Variants in KDM6A observed in about 807,000 individuals in gnomAD.
KDM6A encodes the protein lysine-specific demethylase 6A.
KDM6A carries 11 observed loss-of-function variants against 117.6 expected under a neutral mutation model. That is an observed-to-expected ratio of 0.09 (90% CI 0.06 to 0.15). The LOEUF is 0.15. Ranked by LOEUF, KDM6A falls within the 10% of genes least tolerant of loss-of-function variation. KDM6A has a pLI of 1.00. For synonymous variants in KDM6A, 384 were observed against 396.1 expected (o/e 0.97, Z 0.36); for missense variants, 799 against 1,077.3 (o/e 0.74, Z 3.62).
At chrX:45,063,169 C>G (rs1282083130) in intron 16 of KDM6A, among the ~76,000 whole-genome samples, 1 of 109,936 alleles carries the variant, frequency 9.1e-6, no homozygotes, top group East Asian at 2.9e-4. Context: ...TTTGTCATTA[C>G]TAATGGGATT....
Position 45,091,121 on chromosome X carries a change from A to G in KDM6A, c.4034+257A>G, listed in dbSNP as rs113066387. 0.046 allele frequency among the ~76,000 whole-genome samples: 5,161 copies of G among 111,005 alleles called. 316 individuals carry two copies. Among genetic ancestry groups the G allele is most frequent in the African/African-American group, 0.16 (4,940 of 30,410 alleles). ...GTGCTTCTTTCCCATTTCCCTCTGAACCACCTGATATCCCAGGATAACTTT... is the reference window on the plus strand; with the variant it reads ...GTGCTTCTTTCCCATTTCCCTCTGAGCCACCTGATATCCCAGGATAACTTT... On this transcript the variant is annotated intron_variant, in intron 27 of 29. Coordinates refer to ENST00000611820, the MANE Select transcript of KDM6A (RefSeq NM_001291415.2).
chrX:44,951,248 T>G (rs1178249131), intron 2 of KDM6A, among the ~76,000 whole-genome samples: 1 of 111,474 alleles, frequency 9.0e-6, no homozygotes, highest in African/African-American at 3.3e-5. Context: ...TTCCTTAGGA[T>G]TTTGAGCGTT....
chrX:44,978,980 TCA>T (rs2039751080), intron 4 of KDM6A, among the ~76,000 whole-genome samples: 1 of 112,474 alleles, frequency 8.9e-6, no homozygotes, highest in Admixed American at 9.4e-5. Context: ...ACAGTTTTTC[TCA>T]GTTGATAAGT....
At chrX:45,098,378 A>G (rs1317475508) in intron 27 of KDM6A, among the ~76,000 whole-genome samples, 5 of 112,902 alleles carry the variant, frequency 4.4e-5, no homozygotes, top group Non-Finnish European at 7.5e-5. Context: ...AAAAGGAGAG[A>G]CAAAGATTAG....
intron 17 of KDM6A, among the ~76,000 whole-genome samples, 199 bp downstream of exon 17, chrX:45,064,016 CAT>C (rs1213010209): frequency 2.7e-5 from 3 of 111,784 alleles, no homozygotes; most frequent in African/African-American, 3.3e-5. Context: ...TCTCTACCGA[CAT>C]AGATAACTTA....
At chrX:45,093,429 T>A (rs2045976382) in intron 27 of KDM6A, among the ~76,000 whole-genome samples, 1 of 108,367 alleles carries the variant, frequency 9.2e-6, no homozygotes, top group Non-Finnish European at 1.9e-5. Context: ...AATTGCTGTG[T>A]GTGGAATGAG....
chrX:45,076,928 A>G, intron 19 of KDM6A, 102 bp downstream of exon 19: 1 of 724,463 alleles, frequency 1.4e-6, no homozygotes. Flanking sequence ...AAACATTACA[A>G]TTATTGGCAG....
At chrX:44,927,325 A>T (rs2036366070) in intron 2 of KDM6A, among the ~76,000 whole-genome samples, 1 of 110,904 alleles carries the variant, frequency 9.0e-6, no homozygotes, top group Admixed American at 9.7e-5. Flanking sequence ...ATGGATGCAA[A>T]ACCCATTGAT....
chrX:45,053,199 C>T (rs192405335), intron 9 of KDM6A, among the ~76,000 whole-genome samples: 5 of 111,197 alleles, frequency 4.5e-5, no homozygotes, highest in East Asian at 5.6e-4. Context: ...TTTGGGAGGT[C>T]GTGGTGGGTG....
In KDM6A at chrX:45,061,308, A is replaced by G; in HGVS notation, c.1486-16A>G. The G allele has an allele frequency of 9.5e-7, 1 of 1,054,633 alleles. No homozygotes were observed. Among genetic ancestry groups the G allele is most frequent in the African/African-American group, 1.9e-5 (1 of 53,924 alleles). The allele number at this position is 1,054,633 out of a possible 1,213,427, so 86.9% of individuals were successfully genotyped here. ...CAAATATTCTTTAATTTTTTTTTTA[A>G]ATCGATTTTCCTCAGAATACTTCTG... On this transcript the variant is annotated splice_polypyrimidine_tract_variant and intron_variant, in intron 14 of 29. Transcript: ENST00000611820.
intron 15 of KDM6A, among the ~76,000 whole-genome samples, chrX:45,061,985 A>G (rs1328294653): frequency 9.1e-6 from 1 of 109,477 alleles, no homozygotes; most frequent in African/African-American, 3.3e-5. Flanking sequence ...GTTTTCTTCT[A>G]ACTCTGGCCC....
intron 2 of KDM6A, among the ~76,000 whole-genome samples, chrX:44,883,619 C>T (rs773371064): frequency 1.3e-4 from 14 of 110,315 alleles, no homozygotes; most frequent in African/African-American, 4.6e-4. Flanking sequence ...AGTGATCCTC[C>T]CGTCTTTGTC....
intron 2 of KDM6A, among the ~76,000 whole-genome samples, chrX:44,948,715 T>G (rs2037810122): frequency 8.9e-6 from 1 of 112,327 alleles, no homozygotes. Flanking sequence ...AAATCCTTTA[T>G]GTATAAATAG....
intron 21 of KDM6A, 150 bp downstream of exon 21, chrX:45,079,501 A>G (rs866437366): frequency 8.1e-4 from 346 of 424,636 alleles, no homozygotes; most frequent in East Asian, 6.3e-3. Flanking sequence ...TCGTATGTAT[A>G]TATGTATGTA....
intron 4 of KDM6A, among the ~76,000 whole-genome samples, chrX:45,003,919 G>A (rs1008917172): frequency 5.1e-5 from 1 of 19,776 alleles, no homozygotes; most frequent in African/African-American, 2.1e-4. Context: ...TTCCACCCCC[G>A]CTTCTCTCTC....
At chrX:44,975,056 T>C (rs1180953072) in intron 4 of KDM6A, among the ~76,000 whole-genome samples, 1 of 111,817 alleles carries the variant, frequency 8.9e-6, no homozygotes, top group Non-Finnish European at 1.9e-5. Context: ...AAAAGAAGGC[T>C]GAAGACGTGT....
At chrX:44,920,912 G>A (rs1353686557) in intron 2 of KDM6A, among the ~76,000 whole-genome samples, 3 of 85,755 alleles carry the variant, frequency 3.5e-5, no homozygotes, top group Admixed American at 1.5e-4. Context: ...GTCTCGCTCT[G>A]TCGCCAGGCT....
chrX:44,953,426 T>C (rs978927881), intron 2 of KDM6A, among the ~76,000 whole-genome samples: 1 of 111,902 alleles, frequency 8.9e-6, no homozygotes, highest in African/African-American at 3.3e-5. Context: ...CCTAATTAAA[T>C]TTACGGGTTC....
intron 2 of KDM6A, among the ~76,000 whole-genome samples, chrX:44,921,974 T>G (rs1177307468): frequency 9.4e-6 from 1 of 106,028 alleles, no homozygotes; most frequent in East Asian, 2.9e-4. Context: ...ATCACCGTTT[T>G]TTTAATTTTA....
Sources: gnomAD v4.1 joint callset for allele counts (sites outside exome capture counted in the v4.1 genomes callset) on GRCh38, gnomAD v4.1.1 for gene constraint, MANE v1.5 for transcripts, NCBI Gene and HGNC (gene_info 2026-07-23, HGNC 2026-07-21) for gene names.